Variants in XKR4 observed in about 807,000 individuals in gnomAD.
XKR4 encodes XK related 4.
A neutral mutation model predicts 53.9 loss-of-function variants in XKR4; 12 were observed. The ratio of observed to expected loss-of-function variants is 0.22; its 90% CI spans 0.14 to 0.36. The LOEUF is 0.36. XKR4 is among the 10% of genes least tolerant of loss of function. The pLI is 1.00. For synonymous variants in XKR4, 354 were observed against 362.4 expected, an observed-to-expected ratio of 0.98 and a Z score of 0.26; for missense variants, 799 against 859.5, an observed-to-expected ratio of 0.93 and a Z score of 0.88.
chr8:55,366,087 GC>G (rs1200030574), intron 2 of XKR4, among the ~76,000 whole-genome samples: 5 of 152,244 alleles, frequency 3.3e-5, no homozygotes, highest in African/African-American at 1.2e-4. Flanking sequence ...CTGGAGACAG[GC>G]GCTGTGGAGG....
At chr8:55,382,147 AG>A (rs1186779050) in intron 2 of XKR4, among the ~76,000 whole-genome samples, 1 of 152,260 alleles carries the variant, frequency 6.6e-6, no homozygotes, top group Admixed American at 6.5e-5. Flanking sequence ...TTAAATGGCC[AG>A]GAAAAACAAT....
At chr8:55,211,726 G>C (rs565646582) in intron 1 of XKR4, among the ~76,000 whole-genome samples, 1 of 152,270 alleles carries the variant, frequency 6.6e-6, no homozygotes, top group East Asian at 1.9e-4. Context: ...ACTGGTTTCA[G>C]TTATAGACAT....
rs978838067 is a variant in XKR4, at chr8:55,534,635, A to G, written c.*10408A>G. ...CGTGATCTGCCCTCCTTGGCCTCCC[A>G]AAGTGCTGGGATTACAGGCGTGAGC... On this transcript the variant is annotated 3_prime_UTR_variant, in exon 3 of 3. Transcript: ENST00000327381. 1 of 151,734 alleles carries G rather than the reference A, an allele frequency of 6.6e-6. No homozygotes were observed. The highest frequency in any genetic ancestry group is 1.5e-5 in the Non-Finnish European group (1 of 68,096). 9.4% of individuals were successfully genotyped at this position (151,734 alleles called of 1,614,324 possible).
At position 55,375,045 on chromosome 8, in the gene XKR4, C is replaced by T. The variant is rs189635174; in HGVS notation, c.1006+17168C>T. Among the ~76,000 whole-genome samples, 58 of 152,300 alleles carry T rather than the reference C, an allele frequency of 3.8e-4. No homozygotes were observed. The East Asian group carries it at 9.3e-3, about 24-fold the overall frequency. ...AACCAGCAATGGGTGGAGCTGCAAC[C>T]AGGGCCTGTGCTCCAAGTTCCATCC... On this transcript the variant is annotated intron_variant, in intron 2 of 2. Transcript: ENST00000327381.
At chr8:55,500,443 C>T (rs866032231) in intron 2 of XKR4, among the ~76,000 whole-genome samples, 1 of 152,066 alleles carries the variant, frequency 6.6e-6, no homozygotes, top group Non-Finnish European at 1.5e-5. Flanking sequence ...CAAGATCCAC[C>T]CATTATTCTC....
At chr8:55,294,935 G>A (rs1819081591) in intron 1 of XKR4, among the ~76,000 whole-genome samples, 2 of 152,084 alleles carry the variant, frequency 1.3e-5, no homozygotes, top group South Asian at 4.1e-4. Context: ...GTGTCCCTTT[G>A]CACATTAAGT....
At chr8:55,473,827 C>CTTCTT (rs1211545986) in intron 2 of XKR4, among the ~76,000 whole-genome samples, 4 of 151,332 alleles carry the variant, frequency 2.6e-5, no homozygotes, top group Admixed American at 2.6e-4. Context: ...CCCTTCTTTC[C>CTTCTT]TTCTTTTCTT....
intron 1 of XKR4, among the ~76,000 whole-genome samples, chr8:55,194,839 C>T (rs1027400357): frequency 6.6e-6 from 1 of 152,182 alleles, no homozygotes; most frequent in Non-Finnish European, 1.5e-5. Flanking sequence ...CAATCTGTGG[C>T]TAACAAATCC....
At chr8:55,152,945 G>A (rs921520972) in intron 1 of XKR4, among the ~76,000 whole-genome samples, 1 of 152,136 alleles carries the variant, frequency 6.6e-6, no homozygotes, top group African/African-American at 2.4e-5. Context: ...CTTGAAGTCT[G>A]GTACCTGTTC....
intron 1 of XKR4, among the ~76,000 whole-genome samples, chr8:55,265,469 C>T (rs1439223803): frequency 6.6e-6 from 1 of 152,130 alleles, no homozygotes; most frequent in African/African-American, 2.4e-5. Flanking sequence ...TCCCGAAGGC[C>T]AGAGCTGGGT....
intron 2 of XKR4, among the ~76,000 whole-genome samples, chr8:55,365,092 A>T (rs1803956979): frequency 6.6e-6 from 1 of 152,224 alleles, no homozygotes; most frequent in Non-Finnish European, 1.5e-5. Flanking sequence ...AAACTTGGGT[A>T]GGACCAGGGC....
At chr8:55,205,766 C>T (rs983547887) in intron 1 of XKR4, among the ~76,000 whole-genome samples, 3 of 152,156 alleles carry the variant, frequency 2.0e-5, no homozygotes, top group Admixed American at 6.5e-5. Context: ...AGAAAATGTA[C>T]GTCCCATATG....
chr8:55,373,950 A>G (rs1423820166), intron 2 of XKR4, among the ~76,000 whole-genome samples: 1 of 152,122 alleles, frequency 6.6e-6, no homozygotes, highest in Non-Finnish European at 1.5e-5. Context: ...AAATGCTTGG[A>G]GGGGAGATCA....
Position 55,102,902 on chromosome 8 carries a change from G to C in XKR4, c.414G>C (p.Leu138=). 1 of 1,612,108 alleles carries C rather than the reference G, an allele frequency of 6.2e-7. No homozygotes were observed. Among genetic ancestry groups the C allele is most frequent in the African/African-American group, 1.3e-5 (1 of 75,062 alleles). ...TDVWLAVDYY[L]RGQRWWFGLT... ...TCTGGCTCGCCGTGGACTACTACCT[G>C]CGCGGCCAGCGCTGGTGGTTCGGGC... The change falls in exon 1 of 3, where the codon CTG becomes CTC. Residue 138 remains leucine (L), a synonymous_variant. Coordinates refer to ENST00000327381, the MANE Select transcript of XKR4 (RefSeq NM_052898.2). The surrounding 1 kb of genome is among the most constrained non-coding windows in gnomAD (Gnocchi z 5.1).
intron 2 of XKR4, among the ~76,000 whole-genome samples, chr8:55,381,411 G>C (rs1156506533): frequency 6.6e-6 from 1 of 152,162 alleles, no homozygotes; most frequent in East Asian, 1.9e-4. Flanking sequence ...TCCCACTCTA[G>C]GCTGTCTGCA....
At chr8:55,506,124 A>G (rs536045268) in intron 2 of XKR4, among the ~76,000 whole-genome samples, 2 of 152,358 alleles carry the variant, frequency 1.3e-5, no homozygotes, top group African/African-American at 4.8e-5. Flanking sequence ...CACAGCCTGT[A>G]TCCTTTCAGA....
chr8:55,388,166 C>A (rs1461129567), intron 2 of XKR4, among the ~76,000 whole-genome samples: 1 of 152,144 alleles, frequency 6.6e-6, no homozygotes, highest in Non-Finnish European at 1.5e-5. Context: ...ACCAGGGCAG[C>A]CTAAACATTT....
chr8:55,300,490 T>C (rs1441531192), intron 1 of XKR4, among the ~76,000 whole-genome samples: 2 of 151,900 alleles, frequency 1.3e-5, no homozygotes, highest in East Asian at 1.9e-4. Flanking sequence ...GGCAAGGAGA[T>C]AGAGTGGGCA....
chr8:55,438,312 T>C (rs544245147), intron 2 of XKR4, among the ~76,000 whole-genome samples: 1 of 151,706 alleles, frequency 6.6e-6, no homozygotes, highest in South Asian at 2.1e-4. Flanking sequence ...AAAGAGAGGA[T>C]TGTGGTAGCT....
Sources: allele counts gnomAD v4.1 joint callset (sites outside exome capture counted in the v4.1 genomes callset), GRCh38; gene constraint gnomAD v4.1.1; non-coding constraint Gnocchi (gnomAD v3.1); transcripts MANE v1.5; gene names NCBI Gene and HGNC (gene_info 2026-07-23, HGNC 2026-07-21).